Variants in MBTD1 observed in about 807,000 individuals in gnomAD.
The protein encoded by MBTD1 is MBT domain-containing protein 1.
Under a neutral mutation model 87.8 loss-of-function variants are expected in MBTD1, and 24 were observed. The ratio of observed to expected loss-of-function variants is 0.27; its 90% CI spans 0.20 to 0.38. The LOEUF is 0.38. Among genes scored for constraint, MBTD1 ranks in the 10% least tolerant of loss-of-function variants. MBTD1 has a pLI of 1.00. For synonymous variants in MBTD1, 237 were observed against 248.6 expected, an observed-to-expected ratio of 0.95 and a Z score of 0.44; for missense variants, 436 against 760.2, an observed-to-expected ratio of 0.57 and a Z score of 5.02.
chr17:51,187,773 C>T (rs1001258657), intron 16 of MBTD1, among the ~76,000 whole-genome samples: 3 of 150,080 alleles, frequency 2.0e-5, no homozygotes, highest in Non-Finnish European at 4.4e-5. Context: ...CGCTTGAATC[C>T]GGGAGGCAGA....
upstream of MBTD1, chr17:51,260,758 C>T (rs1309116734): frequency 3.8e-6 from 6 of 1,581,904 alleles, no homozygotes; most frequent in African/African-American, 4.0e-5. Flanking sequence ...GCGCGGCGGC[C>T]GCTGCGATTG....
At chr17:51,192,154 A>C in intron 16 of MBTD1, 49 bp downstream of exon 16, 1 of 1,246,776 alleles carries the variant, frequency 8.0e-7, no homozygotes, top group East Asian at 2.5e-5. Flanking sequence ...CTGTGACTCC[A>C]ATTAGTTAAC....
chr17:51,194,814 C>T (rs1051130276), intron 13 of MBTD1, among the ~76,000 whole-genome samples: 3 of 112,282 alleles, frequency 2.7e-5, no homozygotes, highest in Non-Finnish European at 5.8e-5. Context: ...TTCCTTGGGC[C>T]CAGGAGTTGA....
At chr17:51,216,074 G>A (rs892575110) in intron 6 of MBTD1, among the ~76,000 whole-genome samples, 1 of 151,746 alleles carries the variant, frequency 6.6e-6, no homozygotes, top group South Asian at 2.1e-4. Context: ...TGGGACTACA[G>A]GTGCCCACCA....
chr17:51,178,525 C>T lies in MBTD1; in HGVS notation c.*2051G>A, dbSNP rs558433678. The T allele has an allele frequency of 6.6e-6, 1 of 152,304 alleles. No homozygotes were observed. The highest frequency in any genetic ancestry group is 2.1e-4 in the South Asian group (1 of 4,820). 9.4% of individuals were successfully genotyped at this position (152,304 alleles called of 1,614,324 possible). On this transcript the variant is annotated 3_prime_UTR_variant, in exon 17 of 17. Coordinates refer to ENST00000586178, the MANE Select transcript of MBTD1 (RefSeq NM_017643.3). ...GGAGCTCCTAAATCCAAGGTACTGG[C>T]AGAGTACACTACACAACAGGCTTCT...
At chr17:51,230,207 AAAAG>A (rs2053473415) in intron 2 of MBTD1, among the ~76,000 whole-genome samples, 1 of 152,226 alleles carries the variant, frequency 6.6e-6, no homozygotes, top group Admixed American at 6.5e-5. Flanking sequence ...AAGGCAATAC[AAAAG>A]AAAAGTTCTA....
At chr17:51,202,169 A>T in intron 10 of MBTD1, 92 bp from the exon 11 acceptor site, 1 of 752,334 alleles carries the variant, frequency 1.3e-6, no homozygotes, top group Non-Finnish European at 2.4e-6. Context: ...AAAGTATGTC[A>T]TACTATAAAA....
rs117344465 is a variant in MBTD1, at chr17:51,240,504, T to G, written c.-48-15295A>C. On this transcript the variant is annotated intron_variant, in intron 2 of 16. Transcript: ENST00000586178. Reference sequence around the variant, plus strand: ...ATTTTGCTGACTGTTCTATTGGAATTTGTCTGATAGTTTCTTCATTATCAG... The same window carrying G: ...ATTTTGCTGACTGTTCTATTGGAATGTGTCTGATAGTTTCTTCATTATCAG... 4.0e-3 allele frequency among the ~76,000 whole-genome samples: 612 copies of G among 152,318 alleles called. 3 individuals carry two copies. Among genetic ancestry groups the G allele is most frequent in the Middle Eastern group, 0.01 (3 of 294 alleles).
intron 7 of MBTD1, among the ~76,000 whole-genome samples, chr17:51,205,079 A>G (rs1380169963): frequency 6.6e-6 from 1 of 152,262 alleles, no homozygotes; most frequent in Non-Finnish European, 1.5e-5. Flanking sequence ...TTATGTTGAT[A>G]AAAGATTACG....
At chr17:51,184,511 C>G (rs1054072683) in intron 16 of MBTD1, 1 of 152,170 alleles carries the variant, frequency 6.6e-6, no homozygotes, top group African/African-American at 2.4e-5. Context: ...AAAATCACAC[C>G]AAGTCCCACA....
chr17:51,182,916 C>G (rs1429319290), intron 16 of MBTD1, among the ~76,000 whole-genome samples: 3 of 152,138 alleles, frequency 2.0e-5, no homozygotes, highest in Non-Finnish European at 4.4e-5. Flanking sequence ...ATTGCTACAA[C>G]TTTTAAAGTC....
At chr17:51,195,434 A>C in intron 12 of MBTD1, 73 bp from the exon 13 acceptor site, 3 of 1,223,822 alleles carry the variant, frequency 2.5e-6, no homozygotes, top group Non-Finnish European at 3.4e-6. Flanking sequence ...TTGACATTCT[A>C]AAAGAAAGGA....
At chr17:51,240,469 T>C (rs933261512) in intron 2 of MBTD1, among the ~76,000 whole-genome samples, 1 of 152,236 alleles carries the variant, frequency 6.6e-6, no homozygotes, top group Non-Finnish European at 1.5e-5. Context: ...TTGAGGAATC[T>C]TGGTCAGATA....
chr17:51,219,088 C>A, intron 4 of MBTD1, 44 bp from the exon 5 acceptor site: 1 of 963,032 alleles, frequency 1.0e-6, no homozygotes, highest in Non-Finnish European at 1.6e-6. Context: ...TTTTCATCCC[C>A]TCACCACCAC....
intron 2 of MBTD1, among the ~76,000 whole-genome samples, chr17:51,231,158 A>T (rs1367436749): frequency 6.6e-6 from 1 of 152,068 alleles, no homozygotes; most frequent in Non-Finnish European, 1.5e-5. Context: ...GGCTGGTCTC[A>T]AACTCCTGAC....
Position 51,179,492 on chromosome 17 carries a change from A to ATATATATT in MBTD1, c.*1083_*1084insAATATATA, listed in dbSNP as rs1279204521. On this transcript the variant is annotated 3_prime_UTR_variant, in exon 17 of 17. Transcript: ENST00000586178. The stretch of plus-strand genomic sequence containing the variant: ...TACAATTAAAGACAATTTTATATAT[A>ATATATATT]TATATATATATATATATATATATAT... 6.5e-5 allele frequency: 2 copies of ATATATATT among 30,970 alleles called. No individual in the cohort carries two copies. Among genetic ancestry groups the ATATATATT allele is most frequent in the African/African-American group, 2.3e-4 (2 of 8,738 alleles). The allele number at this position is 30,970 out of a possible 1,614,324, so 1.9% of individuals were successfully genotyped here. A position where few individuals can be genotyped will look rare whatever the true frequency, so the allele number is the denominator to read the frequency against.
chr17:51,237,159 G>A (rs1368286884), intron 2 of MBTD1, among the ~76,000 whole-genome samples: 1 of 152,016 alleles, frequency 6.6e-6, no homozygotes. Context: ...AGCTGGGCAT[G>A]ATGGCAGGTG....
intron 16 of MBTD1, chr17:51,185,626 T>C (rs2050501386): frequency 6.6e-6 from 1 of 152,210 alleles, no homozygotes; most frequent in Non-Finnish European, 1.5e-5. Flanking sequence ...TGAGATACTA[T>C]GAAATGTTAT....
intron 2 of MBTD1, among the ~76,000 whole-genome samples, chr17:51,235,416 G>C (rs954826128): frequency 7.9e-5 from 12 of 152,168 alleles, no homozygotes; most frequent in African/African-American, 2.4e-4. Flanking sequence ...GGAATTACAG[G>C]TGTGACCCAT....
Sources: gnomAD v4.1 joint callset for allele counts (sites outside exome capture counted in the v4.1 genomes callset) on GRCh38, gnomAD v4.1.1 for gene constraint, MANE v1.5 for transcripts, NCBI Gene and HGNC (gene_info 2026-07-23, HGNC 2026-07-21) for gene names.